DCC: variants seen among roughly 807,000 people sequenced by gnomAD.
DCC encodes the protein netrin receptor DCC.
In DCC, 58 loss-of-function variants were observed where a neutral mutation model predicts 172.5. The ratio of observed to expected loss-of-function variants is 0.34; its 90% CI spans 0.27 to 0.42. DCC has a LOEUF of 0.42. DCC is among the 10% of genes least tolerant of loss of function. The pLI, the probability that DCC is intolerant of heterozygous loss-of-function variation, is 1.00. For missense variants in DCC, 1,740 were observed against 1,791.0 expected (o/e 0.97, Z 0.51); for synonymous variants, 709 against 644.5 (o/e 1.10, Z -1.52).
Position 53,089,381 on chromosome 18 carries a change from C to CT in DCC, c.1261+23215_1261+23216insT, listed in dbSNP as rs1231551161. On this transcript the variant is annotated intron_variant, in intron 7 of 28. Coordinates refer to ENST00000442544, the MANE Select transcript of DCC (RefSeq NM_005215.4). ...GATTACAGGTGTGAGCCACTGCACC[C>CT]GGCCGTACTCATGTATTTTTAAGTA... Among the ~76,000 whole-genome samples the CT allele has an allele frequency of 5.9e-5, 9 of 152,098 alleles. No individual in the cohort carries two copies. The East Asian group carries it at 1.2e-3, about 20-fold the overall frequency.
chr18:53,008,533 A>T (rs2041679878), intron 5 of DCC, among the ~76,000 whole-genome samples: 1 of 152,074 alleles, frequency 6.6e-6, no homozygotes, highest in African/African-American at 2.4e-5. Context: ...CTTTACTTGT[A>T]AGTGAATTAT....
chr18:52,946,934 A>G (rs1272780057), intron 5 of DCC, among the ~76,000 whole-genome samples: 1 of 152,184 alleles, frequency 6.6e-6, no homozygotes, highest in African/African-American at 2.4e-5. Flanking sequence ...GCAAACATCC[A>G]TAATAAACAA....
At chr18:52,837,966 C>G (rs906404441) in intron 2 of DCC, among the ~76,000 whole-genome samples, 2 of 152,074 alleles carry the variant, frequency 1.3e-5, no homozygotes, top group East Asian at 3.9e-4. Context: ...AATGAATGCC[C>G]AGTGAAGGGG....
chr18:52,836,581 C>T (rs1267592198), intron 2 of DCC, among the ~76,000 whole-genome samples: 2 of 152,146 alleles, frequency 1.3e-5, no homozygotes, highest in Non-Finnish European at 2.9e-5. Context: ...CTTAAGGTTC[C>T]AGAATGATCT....
chr18:52,472,189 T>C (rs1988966461), intron 1 of DCC, among the ~76,000 whole-genome samples: 1 of 152,094 alleles, frequency 6.6e-6, no homozygotes, highest in Non-Finnish European at 1.5e-5. Context: ...GTGAAATGAG[T>C]CAAAAGTGAG....
In DCC at chr18:53,387,047, A is replaced by C. The variant is rs1408135647; in HGVS notation, c.2455+909A>C. On this transcript the variant is annotated intron_variant, in intron 16 of 28. Coordinates refer to ENST00000442544, the MANE Select transcript of DCC (RefSeq NM_005215.4). ...TCGGACGTCGTTTAACTTGTCAGAT[A>C]TTGTCCCCTTAACGAAAACAGAGGA... Among the ~76,000 whole-genome samples, 5 of 152,286 alleles carry C rather than the reference A, an allele frequency of 3.3e-5. No individual in the cohort carries two copies. In the South Asian group the frequency reaches 8.3e-4, roughly 25 times the overall value.
At chr18:52,366,688 G>C (rs1354329064) in intron 1 of DCC, among the ~76,000 whole-genome samples, 1 of 148,454 alleles carries the variant, frequency 6.7e-6, no homozygotes, top group Non-Finnish European at 1.5e-5. Flanking sequence ...GGTTCTCCAA[G>C]GCCCCACCAG....
intron 24 of DCC, among the ~76,000 whole-genome samples, chr18:53,462,798 C>G (rs1026488144): frequency 2.0e-5 from 3 of 152,052 alleles, no homozygotes; most frequent in Non-Finnish European, 2.9e-5. Flanking sequence ...ACAGCTCTTC[C>G]TCTTCCGTCA....
intron 1 of DCC, among the ~76,000 whole-genome samples, chr18:52,740,759 T>C (rs1426655381): frequency 6.6e-6 from 1 of 152,194 alleles, no homozygotes; most frequent in East Asian, 1.9e-4. Flanking sequence ...GATAATGAGG[T>C]AGGTTCTTGG....
chr18:53,369,574 A>G (rs1568087114), intron 15 of DCC, among the ~76,000 whole-genome samples: 1 of 151,970 alleles, frequency 6.6e-6, no homozygotes, highest in Non-Finnish European at 1.5e-5. Context: ...TCTTAGAGGA[A>G]AAGTCTCACC....
At chr18:53,266,604 C>T (rs1598964772) in intron 12 of DCC, among the ~76,000 whole-genome samples, 1 of 151,926 alleles carries the variant, frequency 6.6e-6, no homozygotes, top group Non-Finnish European at 1.5e-5. Flanking sequence ...CAGTTCATGG[C>T]TTTTAGTATA....
chr18:53,005,789 T>C lies in DCC; in HGVS notation c.986-57516T>C, dbSNP rs2041635620. ...GTGTGTTATAATTGTTTGTTGGTTA[T>C]TTTTCATCCCTATCATCATTTGGGT... On this transcript the variant is annotated intron_variant, in intron 5 of 28. Transcript: ENST00000442544. Among the ~76,000 whole-genome samples the C allele has an allele frequency of 2.0e-5, 3 of 152,330 alleles. No homozygotes were observed. In the South Asian group the frequency reaches 6.2e-4, roughly 32 times the overall value.
At chr18:53,483,980 TAGATA>T (rs2045869863) in intron 25 of DCC, among the ~76,000 whole-genome samples, 1 of 151,306 alleles carries the variant, frequency 6.6e-6, no homozygotes, top group Non-Finnish European at 1.5e-5. Flanking sequence ...GATAGATAGA[TAGATA>T]GATAGATAGA....
At position 53,076,487 on chromosome 18, in the gene DCC, G is replaced by A. The variant is rs1599102477; in HGVS notation, c.1261+10321G>A. On this transcript the variant is annotated intron_variant, in intron 7 of 28. Transcript: ENST00000442544. ...ATTCCACCTCTGAAGGCTTTACTTT[G>A]GCTGTATCAAGTCAGCAGCTGTTGT... Among the ~76,000 whole-genome samples the A allele has an allele frequency of 2.0e-5, 3 of 152,220 alleles. 1 individual carries two copies. The highest frequency in any genetic ancestry group is 2.0e-4 in the Admixed American group (3 of 15,292).
intron 8 of DCC, among the ~76,000 whole-genome samples, chr18:53,177,266 C>T (rs2055115852): frequency 6.6e-6 from 1 of 151,896 alleles, no homozygotes; most frequent in African/African-American, 2.4e-5. Context: ...ACCAGCATGG[C>T]ACATGTATAC....
intron 17 of DCC, among the ~76,000 whole-genome samples, chr18:53,394,898 C>T (rs10164049): frequency 0.43 from 64,510 of 151,668 alleles, 15,470 homozygotes; most frequent in Non-Finnish European, 0.55. Flanking sequence ...TCCCAGCACT[C>T]TGGGAGGCCG....
intron 7 of DCC, among the ~76,000 whole-genome samples, chr18:53,120,007 T>G (rs1301361601): frequency 6.6e-6 from 1 of 151,894 alleles, no homozygotes; most frequent in East Asian, 1.9e-4. Flanking sequence ...TATATTCAAG[T>G]TATAGTCTCA....
intron 15 of DCC, among the ~76,000 whole-genome samples, chr18:53,352,817 G>A (rs1430945132): frequency 2.0e-5 from 3 of 152,072 alleles, no homozygotes; most frequent in African/African-American, 7.2e-5. Context: ...ATGTGTATGT[G>A]TGTGTGAATT....
At chr18:52,591,123 C>T (rs986578486) in intron 1 of DCC, among the ~76,000 whole-genome samples, 1 of 152,112 alleles carries the variant, frequency 6.6e-6, no homozygotes, top group Admixed American at 6.6e-5. Context: ...CATTAAAAAG[C>T]ATTGATTCTA....
Sources: allele counts gnomAD v4.1 joint callset (sites outside exome capture counted in the v4.1 genomes callset), GRCh38; gene constraint gnomAD v4.1.1; transcripts MANE v1.5; gene names NCBI Gene and HGNC (gene_info 2026-07-23, HGNC 2026-07-21).